The following STK10 variants were observed in gnomAD, a reference collection of about 807,000 sequenced individuals.
STK10 encodes the protein serine/threonine kinase 10.
In STK10, 78 loss-of-function variants were observed where a neutral mutation model predicts 113.8. The observed-to-expected ratio is 0.69, with a 90% CI of 0.57 to 0.83. STK10 has a LOEUF of 0.83. STK10 is among the 40% of genes least tolerant of loss of function. The pLI is 0.00. For synonymous variants in STK10, 465 were observed against 494.7 expected (o/e 0.94, Z 0.80); for missense variants, 1,109 against 1,280.1 (o/e 0.87, Z 2.04).
At position 172,132,698 on chromosome 5, in the gene STK10, T is replaced by C. The variant is rs141464683; in HGVS notation, c.322-5277A>G. 5.0e-3 allele frequency among the ~76,000 whole-genome samples: 766 copies of C among 152,256 alleles called. 8 individuals are homozygous for C. Among genetic ancestry groups the C allele is most frequent in the African/African-American group, 0.017 (721 of 41,544 alleles). Reference sequence around the variant, plus strand: ...ATTTGTGGTCAGTTTAATGCATTGATCATTATAAACTGAGTGTCTACCAGG... The same window carrying C: ...ATTTGTGGTCAGTTTAATGCATTGACCATTATAAACTGAGTGTCTACCAGG... On this transcript the variant is annotated intron_variant, in intron 2 of 18. Coordinates refer to ENST00000176763, the MANE Select transcript of STK10 (RefSeq NM_005990.4).
chr5:172,061,322 A>G, intron 13 of STK10, 54 bp from the exon 14 acceptor site: 2 of 1,544,734 alleles, frequency 1.3e-6, no homozygotes, highest in Non-Finnish European at 1.7e-6. Context: ...GGGCACCTCC[A>G]TGTCTCTTCC....
At chr5:172,153,308 G>T (rs1328178866) in intron 2 of STK10, among the ~76,000 whole-genome samples, 1 of 135,406 alleles carries the variant, frequency 7.4e-6, no homozygotes, top group East Asian at 3.0e-4. Flanking sequence ...AAGAAAGAAA[G>T]AAAGAAAGAA....
At chr5:172,163,619 C>T (rs758735793) in intron 1 of STK10, among the ~76,000 whole-genome samples, 9 of 152,156 alleles carry the variant, frequency 5.9e-5, no homozygotes, top group South Asian at 2.1e-4. Context: ...TCCTGACTCC[C>T]GGCCTAGTGT....
At chr5:172,156,828 C>T (rs766337757) in intron 1 of STK10, 40 bp from the exon 2 acceptor site, 18 of 1,587,644 alleles carry the variant, frequency 1.1e-5, no homozygotes, top group South Asian at 2.2e-5. Context: ...AGGCATGCTC[C>T]GCAGGAAACT....
chr5:172,069,290 A>AGGT (rs1768131302), intron 12 of STK10, among the ~76,000 whole-genome samples: 1 of 152,162 alleles, frequency 6.6e-6, no homozygotes, highest in Non-Finnish European at 1.5e-5. Context: ...GCTGTCAACA[A>AGGT]GAAACCCATG....
intron 1 of STK10, among the ~76,000 whole-genome samples, chr5:172,161,169 G>A (rs1770462028): frequency 6.6e-6 from 1 of 152,122 alleles, no homozygotes; most frequent in African/African-American, 2.4e-5. Flanking sequence ...ACTAAGGGGT[G>A]GGCCGGGTGT....
At chr5:172,075,847 G>A (rs1344464281) in intron 12 of STK10, among the ~76,000 whole-genome samples, 2 of 152,162 alleles carry the variant, frequency 1.3e-5, no homozygotes, top group African/African-American at 2.4e-5. Context: ...TGCAAGTGCT[G>A]GTGAGGACCT....
chr5:172,063,290 T>C (rs1316409714), intron 13 of STK10, among the ~76,000 whole-genome samples: 2 of 152,032 alleles, frequency 1.3e-5, no homozygotes, highest in African/African-American at 4.8e-5. Context: ...CTCCCAGTTT[T>C]GAAACTCCGT....
chr5:172,052,165 A>T (rs1343054485), intron 18 of STK10, among the ~76,000 whole-genome samples: 1 of 152,150 alleles, frequency 6.6e-6, no homozygotes, highest in African/African-American at 2.4e-5. Flanking sequence ...GCAGAAAGGG[A>T]TATCAGAGAC....
chr5:172,068,036 C>T (rs73319809), intron 12 of STK10, among the ~76,000 whole-genome samples: 2,741 of 152,274 alleles, frequency 0.018, 81 homozygotes, highest in African/African-American at 0.062. Flanking sequence ...ACCGGAGTAT[C>T]ATCCTTAAAG....
chr5:172,077,391 A>G (rs952850402), intron 12 of STK10, among the ~76,000 whole-genome samples: 1 of 152,216 alleles, frequency 6.6e-6, no homozygotes, highest in Non-Finnish European at 1.5e-5. Context: ...AAGACTGGTT[A>G]TATTTGTTTT....
At position 172,059,365 on chromosome 5, in the gene STK10, C is replaced by T. The variant is rs192868620; in HGVS notation, c.2212+1774G>A. Among the ~76,000 whole-genome samples, 361 of 144,112 alleles carry T rather than the reference C, an allele frequency of 2.5e-3. 1 individual carries two copies. The highest frequency in any genetic ancestry group is 9.0e-3 in the African/African-American group (346 of 38,286). The allele number at this position is 144,112 out of a possible 152,430, so 94.5% of individuals were successfully genotyped here. On this transcript the variant is annotated intron_variant, in intron 14 of 18. Transcript: ENST00000176763. Reference sequence around the variant, plus strand: ...GCTTGAACCTGGGAGGTGGAGGTTGCAGTGAGCTAAGATTGTGCCACTGCA... The same window carrying T: ...GCTTGAACCTGGGAGGTGGAGGTTGTAGTGAGCTAAGATTGTGCCACTGCA...
chr5:172,139,448 G>A (rs559667217), intron 2 of STK10, among the ~76,000 whole-genome samples: 2 of 149,152 alleles, frequency 1.3e-5, no homozygotes, highest in Non-Finnish European at 2.9e-5. Context: ...CTTGAGTCCA[G>A]GAATTCAAGA....
chr5:172,144,604 C>A (rs1028037639), intron 2 of STK10, among the ~76,000 whole-genome samples: 1 of 152,202 alleles, frequency 6.6e-6, no homozygotes, highest in Admixed American at 6.5e-5. Flanking sequence ...CACCCCCAGG[C>A]CTCCCAGGAA....
chr5:172,119,047 G>A (rs922373178), intron 3 of STK10, among the ~76,000 whole-genome samples: 1 of 152,094 alleles, frequency 6.6e-6, no homozygotes, highest in Non-Finnish European at 1.5e-5. Context: ...CAGAGAGGCC[G>A]GAGGGCTGGT....
chr5:172,157,426 T>TGG (rs1770373152), intron 1 of STK10, among the ~76,000 whole-genome samples: 1 of 152,052 alleles, frequency 6.6e-6, no homozygotes, highest in Non-Finnish European at 1.5e-5. Flanking sequence ...TGTGGTGGCA[T>TGG]GCGCCTGTAG....
At chr5:172,123,345 CA>C (rs1268238853) in intron 3 of STK10, among the ~76,000 whole-genome samples, 2 of 152,216 alleles carry the variant, frequency 1.3e-5, no homozygotes, top group African/African-American at 4.8e-5. Flanking sequence ...CTGCCACCAA[CA>C]GGGGGAAAAC....
At chr5:172,048,414 T>TCCACACACACACACAC (rs1554114845) in intron 18 of STK10, among the ~76,000 whole-genome samples, 1 of 128,394 alleles carries the variant, frequency 7.8e-6, no homozygotes, top group African/African-American at 3.1e-5. Context: ...TCCCTCTCCC[T>TCCACACACACACACAC]ACACACACAC....
chr5:172,090,972 G>A (rs146590550), intron 9 of STK10, among the ~76,000 whole-genome samples: 2 of 140,556 alleles, frequency 1.4e-5, no homozygotes, highest in East Asian at 2.1e-4. Flanking sequence ...AAAGAGCTGC[G>A]TTCTAACCCT....
Sources: gnomAD v4.1 joint callset for allele counts (sites outside exome capture counted in the v4.1 genomes callset) on GRCh38, gnomAD v4.1.1 for gene constraint, MANE v1.5 for transcripts, NCBI Gene and HGNC (gene_info 2026-07-23, HGNC 2026-07-21) for gene names.